PHACTR3: variants seen among roughly 807,000 people sequenced by gnomAD.
PHACTR3 encodes phosphatase and actin regulator 3.
In PHACTR3, 16 loss-of-function variants were observed where a neutral mutation model predicts 66.8. That is an observed-to-expected ratio of 0.24 (90% CI 0.16 to 0.36). The LOEUF is 0.36. Among genes scored for constraint, PHACTR3 ranks in the 10% least tolerant of loss-of-function variants. The probability of loss-of-function intolerance (pLI) is 1.00; values close to 1 mark genes in which losing one functional copy is unlikely to be tolerated. For missense variants in PHACTR3, 647 were observed against 719.9 expected, an observed-to-expected ratio of 0.90 and a Z score of 1.16; for synonymous variants, 323 against 292.1, an observed-to-expected ratio of 1.11 and a Z score of -1.08.
At chr20:59,822,000 A>ATCCCACCCCTTCCCCAGCG (rs1414731201) in intron 8 of PHACTR3, among the ~76,000 whole-genome samples, 1 of 50,082 alleles carries the variant, frequency 2.0e-5, no homozygotes, top group Non-Finnish European at 3.5e-5. Flanking sequence ...CTTCCCCAGC[A>ATCCCACCCCTTCCCCAGCG]ATCCCACCCC....
rs1483098037 is a variant in PHACTR3, at chr20:59,674,577, GT to G, written c.119-68528del. ...CCTTCTCCTATTCCCCGCTTCTCCT[GT>G]TCCCCCCTTCTCCTGTCCCCGCTTC... On this transcript the variant is annotated intron_variant, in intron 1 of 12. Transcript: ENST00000371015. Among the ~76,000 whole-genome samples, 20 of 32,040 alleles carry G rather than the reference GT, an allele frequency of 6.2e-4. 2 individuals are homozygous for G. The highest frequency in any genetic ancestry group is 3.9e-3 in the South Asian group (3 of 760). 21.0% of individuals were successfully genotyped at this position (32,040 alleles called of 152,430 possible). A position where few individuals can be genotyped will look rare whatever the true frequency, so the allele number is the denominator to read the frequency against.
intron 1 of PHACTR3, among the ~76,000 whole-genome samples, chr20:59,731,687 T>C (rs1466512804): frequency 6.6e-6 from 1 of 152,150 alleles, no homozygotes; most frequent in Non-Finnish European, 1.5e-5. Flanking sequence ...GAAGCCACTT[T>C]AATAATGTCT....
At chr20:59,687,094 ATGGTGGTGATAG>A (rs761601571) in intron 1 of PHACTR3, among the ~76,000 whole-genome samples, 4,245 of 149,694 alleles carry the variant, frequency 0.028, 109 homozygotes, top group Middle Eastern at 0.058. Flanking sequence ...GATTGTGATG[ATGGTGGTGATAG>A]TGGTGGTGAC....
chr20:59,690,830 T>C (rs1488533804), intron 1 of PHACTR3, among the ~76,000 whole-genome samples: 1 of 152,172 alleles, frequency 6.6e-6, no homozygotes, highest in Non-Finnish European at 1.5e-5. Flanking sequence ...AATGAGTTGC[T>C]ACCTGTTCAT....
chr20:59,619,569 A>G (rs1252133770), intron 1 of PHACTR3, among the ~76,000 whole-genome samples: 1 of 151,926 alleles, frequency 6.6e-6, no homozygotes, highest in East Asian at 1.9e-4. Flanking sequence ...AGCAGATGAG[A>G]AGGCACCTGG....
intron 1 of PHACTR3, among the ~76,000 whole-genome samples, chr20:59,608,738 T>C (rs936560603): frequency 6.6e-6 from 1 of 152,232 alleles, no homozygotes; most frequent in Non-Finnish European, 1.5e-5. Flanking sequence ...ACTCTCTGGC[T>C]CTGAGCTCCA....
chr20:59,804,130 T>A (rs536657066), intron 7 of PHACTR3, among the ~76,000 whole-genome samples: 1 of 152,328 alleles, frequency 6.6e-6, no homozygotes, highest in African/African-American at 2.4e-5. Context: ...CTGGTAACCT[T>A]CTGATACCTT....
chr20:59,796,759 T>C (rs1282006908), intron 7 of PHACTR3, among the ~76,000 whole-genome samples: 1 of 152,178 alleles, frequency 6.6e-6, no homozygotes, highest in East Asian at 1.9e-4. Flanking sequence ...GTTATTTTTA[T>C]TTCCTTCTGC....
intron 1 of PHACTR3, among the ~76,000 whole-genome samples, chr20:59,617,150 G>T (rs1169082582): frequency 6.6e-6 from 1 of 152,144 alleles, no homozygotes; most frequent in Admixed American, 6.5e-5. Context: ...GTAGAATAGA[G>T]CTATGCTCAT....
At chr20:59,657,311 A>G (rs2035655584) in intron 1 of PHACTR3, among the ~76,000 whole-genome samples, 1 of 151,586 alleles carries the variant, frequency 6.6e-6, no homozygotes, top group Non-Finnish European at 1.5e-5. Context: ...GCAATTGTTT[A>G]TTAAATCAGT....
At chr20:59,678,738 T>C (rs73303142) in intron 1 of PHACTR3, among the ~76,000 whole-genome samples, 5,234 of 152,314 alleles carry the variant, frequency 0.034, 90 homozygotes, top group Middle Eastern at 0.065. Flanking sequence ...TCAATTAACT[T>C]TAGAAGATGC....
At position 59,605,047 on chromosome 20, in the gene PHACTR3, C is replaced by G; in HGVS notation, c.33C>G (p.Leu11=). The change falls in exon 1 of 13, where the codon CTC becomes CTG. Residue 11 remains leucine (L), a synonymous_variant. Coordinates refer to ENST00000371015, the MANE Select transcript of PHACTR3 (RefSeq NM_080672.5). ...CGTCGGAGGACGGGAGCGGCTGCCT[C>G]GTGTCGCGGGGCCGCTCGCAGAGTG... MAASEDGSGC[L]VSRGRSQSDP... 7.2e-7 allele frequency: 1 copy of G among 1,380,676 alleles called. No homozygotes were observed. The highest frequency in any genetic ancestry group is 1.7e-5 in the South Asian group (1 of 58,962). 85.5% of individuals were successfully genotyped at this position (1,380,676 alleles called of 1,614,324 possible).
At chr20:59,610,636 G>A (rs1489614437) in intron 1 of PHACTR3, among the ~76,000 whole-genome samples, 1 of 152,256 alleles carries the variant, frequency 6.6e-6, no homozygotes, top group African/African-American at 2.4e-5. Flanking sequence ...GGAGCCCCAT[G>A]CAGCTGTGGC....
chr20:59,778,962 C>G (rs1451371609), intron 7 of PHACTR3, among the ~76,000 whole-genome samples: 4 of 152,240 alleles, frequency 2.6e-5, no homozygotes, highest in African/African-American at 9.6e-5. Flanking sequence ...GGCCCAGGCC[C>G]ACCGCTGTCT....
chr20:59,679,893 C>T (rs2036581646), intron 1 of PHACTR3, among the ~76,000 whole-genome samples: 1 of 152,186 alleles, frequency 6.6e-6, no homozygotes, highest in Admixed American at 6.5e-5. Flanking sequence ...CACGTGGAAA[C>T]TATAGGAGCT....
In PHACTR3 at chr20:59,742,478, G is replaced by A. The variant is rs6027073; in HGVS notation, c.119-629G>A. 4.2e-4 allele frequency among the ~76,000 whole-genome samples: 63 copies of A among 150,276 alleles called. 2 individuals are homozygous for A. In the East Asian group the frequency reaches 4.7e-3, roughly 11 times the overall value. ...CCTGCTCACAGACGTGCTCACAGAC[G>A]TGCTCACTCTGCAGCCGTTTGCTCA... is the stretch of plus-strand genomic sequence containing the variant. On this transcript the variant is annotated intron_variant, in intron 1 of 12. Transcript: ENST00000371015.
intron 7 of PHACTR3, among the ~76,000 whole-genome samples, chr20:59,789,019 C>A (rs745684296): frequency 6.6e-6 from 1 of 152,172 alleles, no homozygotes; most frequent in East Asian, 1.9e-4. Flanking sequence ...CATGATGAAG[C>A]GATGGTAGCT....
chr20:59,670,611 G>GGGC (rs1568692704), intron 1 of PHACTR3, among the ~76,000 whole-genome samples: 1 of 136,604 alleles, frequency 7.3e-6, no homozygotes, highest in Non-Finnish European at 1.6e-5. Flanking sequence ...GGGGTGGGGG[G>GGGC]GGGGGGCAGG....
Position 59,796,071 on chromosome 20 carries a change from T to G in PHACTR3, c.1175-9970T>G, listed in dbSNP as rs191289872. Among the ~76,000 whole-genome samples the G allele has an allele frequency of 2.9e-4, 44 of 152,224 alleles. No individual in the cohort carries two copies. The East Asian group carries it at 6.2e-3, about 21-fold the overall frequency. ...CCTCTGTTGTTGTTTACCTTTGTGG[T>G]TTGATGGTTTTCTGTAGTGCAAAGC... On this transcript the variant is annotated intron_variant, in intron 7 of 12. Coordinates refer to ENST00000371015, the MANE Select transcript of PHACTR3 (RefSeq NM_080672.5).
Sources: allele counts gnomAD v4.1 joint callset (sites outside exome capture counted in the v4.1 genomes callset), GRCh38; gene constraint gnomAD v4.1.1; transcripts MANE v1.5; gene names NCBI Gene and HGNC (gene_info 2026-07-23, HGNC 2026-07-21).